The following OR7C1 variants were observed in gnomAD, a reference collection of about 807,000 sequenced individuals.
OR7C1 encodes the protein olfactory receptor family 7 subfamily C member 1.
For missense variants in OR7C1, 324 were observed against 383.3 expected (o/e 0.85, Z 1.29); for synonymous variants, 152 against 160.7 (o/e 0.95, Z 0.41).
At chr19:14,811,996 G>T (rs975335273) in intron 1 of OR7C1, among the ~76,000 whole-genome samples, 1 of 151,874 alleles carries the variant, frequency 6.6e-6, no homozygotes, top group African/African-American at 2.4e-5. Context: ...GACCTATGGG[G>T]TGTAGGTGCT....
At chr19:14,817,531 C>T (rs2044721601) in intron 1 of OR7C1, among the ~76,000 whole-genome samples, 1 of 152,182 alleles carries the variant, frequency 6.6e-6, no homozygotes. Flanking sequence ...TGGAGATCCT[C>T]TTCTCTGAGA....
intron 1 of OR7C1, chr19:14,828,326 T>C: frequency 7.4e-7 from 1 of 1,357,016 alleles, no homozygotes; most frequent in Non-Finnish European, 1.0e-6. Flanking sequence ...AATACCATCA[T>C]TTATATTTTA....
At chr19:14,833,834 G>A (rs567797909) in intron 1 of OR7C1, among the ~76,000 whole-genome samples, 2 of 129,666 alleles carry the variant, frequency 1.5e-5, no homozygotes, top group Non-Finnish European at 3.4e-5. Context: ...GGATGGAGTG[G>A]GGAACTTTCT....
At chr19:14,819,119 C>G (rs1005043091) in intron 1 of OR7C1, among the ~76,000 whole-genome samples, 2 of 151,086 alleles carry the variant, frequency 1.3e-5, no homozygotes, top group Admixed American at 6.6e-5. Context: ...TTATTGCCAC[C>G]TTTCTTTTTT....
intron 2 of OR7C1, among the ~76,000 whole-genome samples, chr19:14,807,904 A>AAAC (rs1001915652): frequency 7.9e-5 from 12 of 151,838 alleles, no homozygotes; most frequent in African/African-American, 2.9e-4. Flanking sequence ...TCAAAAAAAA[A>AAAC]AACAAACAAA....
exon 5 of OR7C1, chr19:14,798,953 T>TGCGCCATC (rs2044624470): frequency 2.2e-6 from 1 of 464,222 alleles, no homozygotes; most frequent in African/African-American, 2.0e-5. Flanking sequence ...CAGGCTGTTC[T>TGCGCCATC]TTGTTAGAAA....
intron 1 of OR7C1, among the ~76,000 whole-genome samples, chr19:14,829,846 C>T (rs1385896665): frequency 6.6e-6 from 1 of 152,192 alleles, no homozygotes; most frequent in Non-Finnish European, 1.5e-5. Flanking sequence ...CAAAGACATG[C>T]AGCCACACAC....
At position 14,808,802 on chromosome 19, in the gene OR7C1, T is replaced by C. The variant is rs913846168; in HGVS notation, c.-435+1004A>G. Among the ~76,000 whole-genome samples, 8 of 152,032 alleles carry C rather than the reference T, an allele frequency of 5.3e-5. 1 individual carries two copies. The highest frequency in any genetic ancestry group is 1.9e-4 in the African/African-American group (8 of 41,276). ...AAGTTTTTCCATTTATGTAGACACA[T>C]TTCAACCTAACAGCACAGAATGCTT... is the stretch of plus-strand genomic sequence containing the variant. On this transcript the variant is annotated intron_variant, in intron 2 of 4. Coordinates refer to ENST00000641666, the Ensembl canonical transcript of OR7C1.
rs558511834 is a variant in OR7C1 at position 14,826,570 on chromosome 19, C to T, written c.-623+8504G>A. On this transcript the variant is annotated intron_variant, in intron 1 of 4. Transcript: ENST00000641666. ...GTCCATGCACATCATAAAAACAAGT[C>T]TTCCATAGCAATTCAATGTATGATT... 2.0e-5 allele frequency: 3 copies of T among 152,294 alleles called. No homozygotes were observed. The East Asian group carries it at 5.8e-4, about 29-fold the overall frequency. 9.4% of individuals were successfully genotyped at this position (152,294 alleles called of 1,614,324 possible).
chr19:14,815,872 C>T (rs992833339), intron 1 of OR7C1, among the ~76,000 whole-genome samples: 17 of 151,686 alleles, frequency 1.1e-4, no homozygotes, highest in African/African-American at 3.9e-4. Context: ...CCCAGGCAGG[C>T]GTACAGTGGT....
At chr19:14,823,855 C>T (rs1052972053) in intron 1 of OR7C1, among the ~76,000 whole-genome samples, 2 of 150,530 alleles carry the variant, frequency 1.3e-5, no homozygotes, top group East Asian at 1.9e-4. Flanking sequence ...ATATGGATAT[C>T]CAGTTTTCCC....
At chr19:14,803,376 T>C (rs1444933772) in intron 2 of OR7C1, among the ~76,000 whole-genome samples, 3 of 151,448 alleles carry the variant, frequency 2.0e-5, no homozygotes, top group Non-Finnish European at 4.4e-5. Flanking sequence ...CGGAGGAAGC[T>C]GGCTGCTCCA....
intron 1 of OR7C1, chr19:14,828,142 T>C (rs761300408): frequency 1.2e-6 from 2 of 1,614,108 alleles, no homozygotes; most frequent in Non-Finnish European, 8.5e-7. Context: ...ACCAGGTACA[T>C]GGACAGGAAC....
chr19:14,799,628 G>C, exon 5 of OR7C1: 1 of 1,613,676 alleles, frequency 6.2e-7, no homozygotes, highest in African/African-American at 1.3e-5. Flanking sequence ...TTCCATTTCG[G>C]TGCAGAAGGA....
chr19:14,820,203 C>T (rs541910974), intron 1 of OR7C1, among the ~76,000 whole-genome samples: 1 of 152,118 alleles, frequency 6.6e-6, no homozygotes, highest in Non-Finnish European at 1.5e-5. Flanking sequence ...TGAGCCACTG[C>T]GCCGGGATAG....
At chr19:14,807,392 A>G (rs2044670784) in intron 2 of OR7C1, among the ~76,000 whole-genome samples, 1 of 151,918 alleles carries the variant, frequency 6.6e-6, no homozygotes, top group Admixed American at 6.6e-5. Context: ...TCCACTCTCT[A>G]TTGCAAAATC....
intron 2 of OR7C1, among the ~76,000 whole-genome samples, chr19:14,807,062 T>G (rs2044669197): frequency 2.0e-5 from 3 of 152,010 alleles, no homozygotes; most frequent in Admixed American, 1.3e-4. Flanking sequence ...TCTTAACTTT[T>G]TAATAATTGC....
At chr19:14,808,293 C>A (rs1411471398) in intron 2 of OR7C1, among the ~76,000 whole-genome samples, 3 of 151,954 alleles carry the variant, frequency 2.0e-5, no homozygotes, top group Non-Finnish European at 2.9e-5. Flanking sequence ...GAAAAGAAAT[C>A]ATTACACAAA....
At chr19:14,805,836 A>C (rs573161120) in intron 2 of OR7C1, among the ~76,000 whole-genome samples, 26 of 152,098 alleles carry the variant, frequency 1.7e-4, no homozygotes, top group African/African-American at 6.0e-4. Context: ...TTAAGTCACA[A>C]ACTTTGAGAG....
Sources: gnomAD v4.1 joint callset for allele counts (sites outside exome capture counted in the v4.1 genomes callset) on GRCh38, gnomAD v4.1.1 for gene constraint, MANE v1.5 for transcripts, NCBI Gene and HGNC (gene_info 2026-07-23, HGNC 2026-07-21) for gene names.